LLGL2: variants seen among roughly 807,000 people sequenced by gnomAD.
LLGL2 encodes the protein LLGL scribble cell polarity complex component 2.
LLGL2 carries 81 observed loss-of-function variants against 123.2 expected under a neutral mutation model. The observed-to-expected ratio is 0.66, with a 90% CI of 0.55 to 0.79. LLGL2 has a LOEUF of 0.79. Among genes scored for constraint, LLGL2 ranks in the 30% least tolerant of loss-of-function variants. LLGL2 has a pLI of 0.00. For synonymous variants in LLGL2, 577 were observed against 594.1 expected (o/e 0.97, Z 0.42); for missense variants, 1,273 against 1,414.6 (o/e 0.90, Z 1.61).
rs765669715 is a variant in LLGL2, at chr17:75,573,505, A to G, written c.2750A>G (p.Glu917Gly). 4 of 1,611,796 alleles carry G rather than the reference A, an allele frequency of 2.5e-6. No individual in the cohort carries two copies. Among genetic ancestry groups the G allele is most frequent in the East Asian group, 2.2e-5 (1 of 44,826 alleles). ...GQGFYLISPS[E>G]FERFSLSTKW... The stretch of plus-strand genomic sequence containing the variant: ...GGCTTCTACCTGATCTCACCCTCGG[A>G]GTTTGAGCGCTTCTCTCTCTCCACC... Residue 917 changes from glutamate (E) to glycine (G), a missense_variant, in exon 21 of 26, where the codon GAG (glutamate) becomes GGG (glycine). Transcript: ENST00000392550.
At chr17:75,566,383 G>A (rs1392885513) in intron 10 of LLGL2, among the ~76,000 whole-genome samples, 1 of 152,214 alleles carries the variant, frequency 6.6e-6, no homozygotes, top group Non-Finnish European at 1.5e-5. Context: ...TCGAGGGAGA[G>A]GTGACCTCAG....
rs1042345275 is a variant in LLGL2, at chr17:75,575,135, G to A, written c.*257G>A. The A allele has an allele frequency of 6.8e-6, 4 of 586,782 alleles. No individual in the cohort carries two copies. Among genetic ancestry groups the A allele is most frequent in the African/African-American group, 5.6e-5 (3 of 53,674 alleles). 36.3% of individuals were successfully genotyped at this position (586,782 alleles called of 1,614,324 possible). The stretch of plus-strand genomic sequence containing the variant: ...TATTGCTCCCATCCCTTTTTGTAGT[G>A]GGCTGGGTTTTAAGTTATAAATGTT... On this transcript the variant is annotated 3_prime_UTR_variant, in exon 26 of 26. Transcript: ENST00000392550.
chr17:75,548,755 CA>C lies in LLGL2; in HGVS notation c.75+5269del, dbSNP rs35218854. On this transcript the variant is annotated intron_variant, in intron 2 of 25. Coordinates refer to ENST00000392550, the MANE Select transcript of LLGL2 (RefSeq NM_001031803.2). ...TGGGTGACAGAGTGAGATTCTGTCT[CA>C]AAAAAAAAAAAAAAGCCAAAGAAGT... Among the ~76,000 whole-genome samples the C allele has an allele frequency of 5.5e-3, 732 of 132,052 alleles. 7 individuals carry two copies. The highest frequency in any genetic ancestry group is 0.016 in the African/African-American group (594 of 37,422). The allele number at this position is 132,052 out of a possible 152,430, so 86.6% of individuals were successfully genotyped here.
intron 6 of LLGL2, among the ~76,000 whole-genome samples, chr17:75,561,424 A>T (rs2147426577): frequency 6.6e-6 from 1 of 152,236 alleles, no homozygotes; most frequent in Non-Finnish European, 1.5e-5. Flanking sequence ...CAGGAATTTG[A>T]GACTAGCCTG....
At chr17:75,532,313 C>T (rs1016264523) in intron 1 of LLGL2, among the ~76,000 whole-genome samples, 4 of 151,998 alleles carry the variant, frequency 2.6e-5, no homozygotes, top group South Asian at 2.1e-4. Flanking sequence ...TACAGTGGCG[C>T]GATCTCAGCC....
At chr17:75,561,872 A>C (rs1430867608) in intron 6 of LLGL2, among the ~76,000 whole-genome samples, 1 of 151,444 alleles carries the variant, frequency 6.6e-6, no homozygotes, top group Non-Finnish European at 1.5e-5. Flanking sequence ...TGGTGAGCCG[A>C]GGTCACACCA....
chr17:75,538,523 T>C (rs2147154477), intron 1 of LLGL2: 1 of 152,316 alleles, frequency 6.6e-6, no homozygotes, highest in South Asian at 2.1e-4. Context: ...CATTCATTCA[T>C]TCAACAGATA....
intron 2 of LLGL2, among the ~76,000 whole-genome samples, chr17:75,553,177 C>G (rs1410644410): frequency 6.6e-6 from 1 of 152,264 alleles, no homozygotes; most frequent in Non-Finnish European, 1.5e-5. Flanking sequence ...TCTCCAGGCT[C>G]TGCATTTTTC....
In LLGL2 at chr17:75,558,498, T is replaced by C. The variant is rs748627925; in HGVS notation, c.256-14T>C. ...GTAGCAAGACCACATGATCCCGTCG[T>C]GTGCCCTCGCCAGTGCCAGCTGGTC... On this transcript the variant is annotated splice_polypyrimidine_tract_variant and intron_variant, in intron 4 of 25. Coordinates refer to ENST00000392550, the MANE Select transcript of LLGL2 (RefSeq NM_001031803.2). This position sits in a 1 kb window ranked among gnomAD's most constrained non-coding sequence, Gnocchi z 4.0. 3 of 1,569,250 alleles carry C rather than the reference T, an allele frequency of 1.9e-6. 1 individual carries two copies. In the South Asian group the frequency reaches 3.5e-5, roughly 18 times the overall value.
intron 14 of LLGL2, 83 bp from the exon 15 acceptor site, chr17:75,569,880 C>T: frequency 7.0e-7 from 1 of 1,429,332 alleles, no homozygotes. Flanking sequence ...GGCCCAGCTC[C>T]TTTGCTGTCC....
chr17:75,565,502 C>A (rs2055407150), intron 10 of LLGL2, among the ~76,000 whole-genome samples: 1 of 152,218 alleles, frequency 6.6e-6, no homozygotes, highest in African/African-American at 2.4e-5. Flanking sequence ...ATGCTGAGAG[C>A]AGGGCCCAGC....
chr17:75,530,606 C>T (rs368337169), intron 1 of LLGL2, among the ~76,000 whole-genome samples: 4 of 149,678 alleles, frequency 2.7e-5, no homozygotes, highest in East Asian at 2.0e-4. Context: ...GCCGAGATCG[C>T]GCCACTGCAC....
chr17:75,569,661 G>A (rs552065445), intron 14 of LLGL2, among the ~76,000 whole-genome samples: 56 of 152,270 alleles, frequency 3.7e-4, no homozygotes, highest in African/African-American at 1.3e-3. Context: ...AAATTAGCCA[G>A]GCATTTGTGG....
At chr17:75,532,162 T>C (rs61412770) in intron 1 of LLGL2, among the ~76,000 whole-genome samples, 22,043 of 145,782 alleles carry the variant, frequency 0.15, 2,048 homozygotes, top group African/African-American at 0.25. Context: ...CTCACTGCAG[T>C]CTCCCCAGGT....
chr17:75,556,252 G>T, intron 3 of LLGL2, 109 bp downstream of exon 3: 2 of 840,822 alleles, frequency 2.4e-6, no homozygotes, highest in Non-Finnish European at 3.8e-6. Flanking sequence ...TAAAATGAGG[G>T]ACTTTCCTGA....
intron 1 of LLGL2, among the ~76,000 whole-genome samples, chr17:75,526,277 C>G (rs1267026841): frequency 6.6e-6 from 1 of 152,160 alleles, no homozygotes; most frequent in Admixed American, 6.5e-5. Context: ...CCCCTGCCAT[C>G]TGGGCTGTGT....
chr17:75,572,386 A>G (rs1293137216), intron 19 of LLGL2, among the ~76,000 whole-genome samples: 5 of 152,084 alleles, frequency 3.3e-5, no homozygotes, highest in Non-Finnish European at 7.4e-5. Flanking sequence ...GGCATGGGCC[A>G]GGCGCGGTGG....
chr17:75,532,196 C>T (rs1460483579), intron 1 of LLGL2, among the ~76,000 whole-genome samples: 2 of 151,296 alleles, frequency 1.3e-5, no homozygotes, highest in African/African-American at 4.9e-5. Context: ...CCACCTCAGC[C>T]TCCCCAGTAG....
rs1283439573 is a variant in LLGL2 at position 75,559,492 on chromosome 17, G to A, written c.530+82G>A. On this transcript the variant is annotated intron_variant, in intron 6 of 25. Coordinates refer to ENST00000392550, the MANE Select transcript of LLGL2 (RefSeq NM_001031803.2). The surrounding 1 kb of genome is among the most constrained non-coding windows in gnomAD (Gnocchi z 4.6). ...TCCCCTTGGTCCCAGGACTCTGTCA[G>A]GAGCTGTCATTTCTCTGCTGGGAAT... 31 of 1,483,468 alleles carry A rather than the reference G, an allele frequency of 2.1e-5. No individual in the cohort carries two copies. The highest frequency in any genetic ancestry group is 2.1e-5 in the Non-Finnish European group (23 of 1,112,144). The allele number at this position is 1,483,468 out of a possible 1,614,324, so 91.9% of individuals were successfully genotyped here.
Sources: gnomAD v4.1 joint callset for allele counts (sites outside exome capture counted in the v4.1 genomes callset) on GRCh38, gnomAD v4.1.1 for gene constraint, Gnocchi (gnomAD v3.1) non-coding constraint, MANE v1.5 for transcripts, NCBI Gene and HGNC (gene_info 2026-07-23, HGNC 2026-07-21) for gene names.